GBE1: variants seen among roughly 807,000 people sequenced by gnomAD.
GBE1 encodes the protein 1,4-alpha-glucan-branching enzyme.
A neutral mutation model predicts 88.8 loss-of-function variants in GBE1; 70 were observed. The ratio of observed to expected loss-of-function variants is 0.79; its 90% CI spans 0.65 to 0.96. The LOEUF (loss-of-function observed/expected upper bound fraction) is 0.96, where lower values mean the gene tolerates loss of function less well. Ranked by LOEUF, GBE1 falls within the 40% of genes least tolerant of loss-of-function variation. The pLI, the probability that GBE1 is intolerant of heterozygous loss-of-function variation, is 0.00. For missense variants in GBE1, 872 were observed against 871.0 expected (o/e 1.00, Z -0.01); for synonymous variants, 284 against 300.1 (o/e 0.95, Z 0.56).
intron 2 of GBE1, among the ~76,000 whole-genome samples, chr3:81,682,467 T>C (rs1248838781): frequency 6.6e-6 from 1 of 151,470 alleles, no homozygotes; most frequent in African/African-American, 2.4e-5. Flanking sequence ...TTCTCAAAAA[T>C]AAATAAATAA....
chr3:81,640,043 G>A (rs1406315321), intron 7 of GBE1, among the ~76,000 whole-genome samples: 1 of 152,186 alleles, frequency 6.6e-6, no homozygotes, highest in Admixed American at 6.5e-5. Context: ...GTAGGACTTT[G>A]ATCATGATTG....
At chr3:81,686,879 C>G (rs1300330967) in intron 2 of GBE1, among the ~76,000 whole-genome samples, 1 of 152,162 alleles carries the variant, frequency 6.6e-6, no homozygotes, top group Non-Finnish European at 1.5e-5. Context: ...TATTTATATG[C>G]ATATGCATGT....
At chr3:81,661,634 C>A (rs1029698142) in intron 3 of GBE1, among the ~76,000 whole-genome samples, 7 of 152,116 alleles carry the variant, frequency 4.6e-5, no homozygotes, top group Admixed American at 1.3e-4. Context: ...CTTAAAGATG[C>A]CTTAGACTGA....
intron 1 of GBE1, among the ~76,000 whole-genome samples, chr3:81,715,517 A>G (rs1481998702): frequency 6.6e-6 from 1 of 152,152 alleles, no homozygotes; most frequent in Non-Finnish European, 1.5e-5. Context: ...ATCTTTATCA[A>G]TGCCTAGGTT....
At chr3:81,671,845 A>G (rs1361609630) in intron 2 of GBE1, among the ~76,000 whole-genome samples, 1 of 152,082 alleles carries the variant, frequency 6.6e-6, no homozygotes, top group Admixed American at 6.6e-5. Flanking sequence ...GTCATCATAA[A>G]TAGATGAATC....
intron 7 of GBE1, among the ~76,000 whole-genome samples, chr3:81,616,146 T>C (rs1327729040): frequency 2.0e-5 from 3 of 152,140 alleles, no homozygotes; most frequent in African/African-American, 7.2e-5. Flanking sequence ...GGGTATATGC[T>C]TTGCAAACAT....
chr3:81,619,638 CTA>C (rs1224926996), intron 7 of GBE1, among the ~76,000 whole-genome samples: 1 of 151,964 alleles, frequency 6.6e-6, no homozygotes, highest in Non-Finnish European at 1.5e-5. Flanking sequence ...AAAATTATGA[CTA>C]TGTGGGATGG....
chr3:81,495,064 A>G (rs758067184), intron 15 of GBE1, among the ~76,000 whole-genome samples: 9 of 152,232 alleles, frequency 5.9e-5, no homozygotes, highest in Non-Finnish European at 1.2e-4. Flanking sequence ...TAGAAATAGC[A>G]CATACACATA....
intron 12 of GBE1, among the ~76,000 whole-genome samples, chr3:81,567,871 ACT>A (rs146331330): frequency 4.8e-4 from 73 of 152,042 alleles, no homozygotes; most frequent in African/African-American, 1.7e-3. Flanking sequence ...CCTTCATATG[ACT>A]CTCTTTAAAA....
intron 1 of GBE1, among the ~76,000 whole-genome samples, chr3:81,746,423 T>C (rs932723891): frequency 5.3e-5 from 8 of 152,072 alleles, no homozygotes; most frequent in Non-Finnish European, 7.4e-5. Flanking sequence ...CCACCATACC[T>C]GGCTAATTTT....
intron 15 of GBE1, among the ~76,000 whole-genome samples, chr3:81,497,675 T>A (rs1702518395): frequency 6.6e-6 from 1 of 152,152 alleles, no homozygotes; most frequent in South Asian, 2.1e-4. Flanking sequence ...AAGCTGGCTA[T>A]GTAAGAATTT....
At chr3:81,630,618 G>A (rs1055393963) in intron 7 of GBE1, among the ~76,000 whole-genome samples, 1 of 152,042 alleles carries the variant, frequency 6.6e-6, no homozygotes, top group South Asian at 2.1e-4. Context: ...GTAAAATTAT[G>A]AATATTAAAT....
chr3:81,562,055 C>T (rs1311131763), intron 12 of GBE1, among the ~76,000 whole-genome samples: 3 of 152,196 alleles, frequency 2.0e-5, no homozygotes, highest in African/African-American at 4.8e-5. Context: ...CGAACACACT[C>T]GCATCTGTCT....
intron 14 of GBE1, among the ~76,000 whole-genome samples, chr3:81,506,655 C>A (rs985096331): frequency 6.6e-6 from 1 of 152,086 alleles, no homozygotes; most frequent in African/African-American, 2.4e-5. Flanking sequence ...ATGGAAAAAT[C>A]AGGTAATAAA....
chr3:81,707,933 A>G (rs549453742), intron 1 of GBE1, among the ~76,000 whole-genome samples: 1 of 146,426 alleles, frequency 6.8e-6, no homozygotes, highest in Admixed American at 6.8e-5. Context: ...TACCCTTAAT[A>G]TCAGTGGGAT....
At chr3:81,547,649 C>G (rs1357897998) in intron 12 of GBE1, among the ~76,000 whole-genome samples, 1 of 150,434 alleles carries the variant, frequency 6.6e-6, no homozygotes, top group Non-Finnish European at 1.5e-5. Context: ...CTCTCTCTCT[C>G]TCTCTCTCTC....
intron 7 of GBE1, among the ~76,000 whole-genome samples, chr3:81,603,372 TTA>T (rs1276414436): frequency 1.3e-5 from 2 of 152,108 alleles, no homozygotes; most frequent in African/African-American, 4.8e-5. Flanking sequence ...GTCAAGAAAA[TTA>T]TGTTCTAGCC....
At chr3:81,566,083 T>C (rs1447423309) in intron 12 of GBE1, among the ~76,000 whole-genome samples, 1 of 152,334 alleles carries the variant, frequency 6.6e-6, no homozygotes, top group Admixed American at 6.5e-5. Context: ...CAGGCACTGA[T>C]AGTTGAACTC....
rs1252071900 is a variant in GBE1 at position 81,660,583 on chromosome 3, T to C, written c.429+10255A>G. ...TCGTAAGATGAGACGCAGTGACCTA[T>C]GGCTGACCATTTAAAAAAAATTATA... On this transcript the variant is annotated intron_variant, in intron 3 of 15. Transcript: ENST00000429644. Among the ~76,000 whole-genome samples the C allele has an allele frequency of 2.6e-5, 4 of 152,248 alleles. No homozygotes were observed. The East Asian group carries it at 5.8e-4, about 22-fold the overall frequency.
Sources: gnomAD v4.1 joint callset for allele counts (sites outside exome capture counted in the v4.1 genomes callset) on GRCh38, gnomAD v4.1.1 for gene constraint, MANE v1.5 for transcripts, NCBI Gene and HGNC (gene_info 2026-07-23, HGNC 2026-07-21) for gene names.